GABRB1: variants seen among roughly 807,000 people sequenced by gnomAD.
GABRB1 encodes the protein gamma-aminobutyric acid type A receptor subunit beta1.
Under a neutral mutation model 51.6 loss-of-function variants are expected in GABRB1, and 17 were observed. The ratio of observed to expected loss-of-function variants is 0.33; its 90% CI spans 0.23 to 0.49. The LOEUF (loss-of-function observed/expected upper bound fraction) is 0.49, where lower values mean the gene tolerates loss of function less well. Among genes scored for constraint, GABRB1 ranks in the 20% least tolerant of loss-of-function variants. GABRB1 has a pLI of 0.99. For missense variants in GABRB1, 410 were observed against 600.6 expected (o/e 0.68, Z 3.32); for synonymous variants, 247 against 218.9 (o/e 1.13, Z -1.14).
At chr4:47,042,414 GTATATA>G (rs764850015) in intron 3 of GABRB1, among the ~76,000 whole-genome samples, 45 of 47,020 alleles carry the variant, frequency 9.6e-4, no homozygotes, top group Admixed American at 4.9e-3. Flanking sequence ...TATGTGTACA[GTATATA>G]TATATATATA....
At chr4:47,081,546 A>G (rs1560525362) in intron 3 of GABRB1, among the ~76,000 whole-genome samples, 1 of 152,152 alleles carries the variant, frequency 6.6e-6, no homozygotes, top group African/African-American at 2.4e-5. Context: ...ATATTCAGAT[A>G]TGGTGTACAA....
chr4:47,317,930 T>C (rs1273538585), intron 4 of GABRB1, among the ~76,000 whole-genome samples: 1 of 152,002 alleles, frequency 6.6e-6, no homozygotes, highest in Non-Finnish European at 1.5e-5. Flanking sequence ...ATCCTTTTAA[T>C]GTGCTATTGA....
intron 4 of GABRB1, among the ~76,000 whole-genome samples, chr4:47,269,352 A>G (rs765994236): frequency 2.6e-5 from 4 of 152,220 alleles, no homozygotes; most frequent in Non-Finnish European, 4.4e-5. Context: ...GCATCATTGC[A>G]TTAGTGCAGA....
intron 4 of GABRB1, among the ~76,000 whole-genome samples, chr4:47,273,652 C>T (rs1051418566): frequency 5.3e-5 from 8 of 151,842 alleles, no homozygotes; most frequent in African/African-American, 1.7e-4. Context: ...ATAATAATAA[C>T]AATAAACAAG....
chr4:47,104,506 T>TTCTCTCTC (rs3050703), intron 3 of GABRB1, among the ~76,000 whole-genome samples: 1 of 148,858 alleles, frequency 6.7e-6, no homozygotes, highest in African/African-American at 2.5e-5. Context: ...TCCTGCTGTC[T>TTCTCTCTC]TCTCTCTCTC....
chr4:47,068,657 C>T (rs139969942), intron 3 of GABRB1, among the ~76,000 whole-genome samples: 1 of 152,228 alleles, frequency 6.6e-6, no homozygotes, highest in Non-Finnish European at 1.5e-5. Context: ...TGTTTGCTCT[C>T]TTATATGGGC....
At chr4:47,279,713 A>G (rs971718736) in intron 4 of GABRB1, among the ~76,000 whole-genome samples, 17 of 151,978 alleles carry the variant, frequency 1.1e-4, no homozygotes, top group Non-Finnish European at 2.9e-5. Context: ...TTTTGCTTAT[A>G]TAATTATAGT....
At chr4:47,302,882 T>C (rs1051782915) in intron 4 of GABRB1, among the ~76,000 whole-genome samples, 1 of 151,984 alleles carries the variant, frequency 6.6e-6, no homozygotes, top group African/African-American at 2.4e-5. Context: ...TCATGACTTT[T>C]ATTATTCTGA....
chr4:46,995,170 T>C (rs1318570347), intron 1 of GABRB1, among the ~76,000 whole-genome samples: 1 of 152,216 alleles, frequency 6.6e-6, no homozygotes, highest in Admixed American at 6.5e-5. Context: ...TGTCAATAAA[T>C]ATTTATTGAA....
chr4:47,404,134 T>C (rs993665120), intron 7 of GABRB1, among the ~76,000 whole-genome samples: 6 of 152,190 alleles, frequency 3.9e-5, no homozygotes, highest in Non-Finnish European at 7.3e-5. Context: ...TGCTGAGAAA[T>C]ACTATCCTTT....
At chr4:47,258,554 AG>A (rs1269913580) in intron 4 of GABRB1, among the ~76,000 whole-genome samples, 1 of 152,212 alleles carries the variant, frequency 6.6e-6, no homozygotes, top group East Asian at 1.9e-4. Flanking sequence ...TAATAGATGT[AG>A]AAAACAGTTT....
upstream of GABRB1, among the ~76,000 whole-genome samples, chr4:47,028,380 C>T (rs1350930320): frequency 6.6e-6 from 1 of 151,758 alleles, no homozygotes; most frequent in African/African-American, 2.4e-5. Flanking sequence ...TTACTGACTA[C>T]AGTCACCCTA....
intron 3 of GABRB1, among the ~76,000 whole-genome samples, chr4:47,040,478 T>G (rs900212930): frequency 6.6e-6 from 1 of 152,086 alleles, no homozygotes; most frequent in African/African-American, 2.4e-5. Context: ...GAGCCCTGCA[T>G]CCCCATCTAT....
At chr4:47,123,705 A>G (rs540858530) in intron 3 of GABRB1, among the ~76,000 whole-genome samples, 2,026 of 16,336 alleles carry the variant, frequency 0.12, 32 homozygotes, top group Middle Eastern at 0.4. Flanking sequence ...TTATATATAT[A>G]ATATGATATA....
intron 3 of GABRB1, among the ~76,000 whole-genome samples, chr4:47,138,517 A>C (rs1288492173): frequency 6.6e-6 from 1 of 152,042 alleles, no homozygotes; most frequent in Non-Finnish European, 1.5e-5. Flanking sequence ...GCCTGGCCAG[A>C]GTGACTATTT....
chr4:47,394,685 C>T (rs1728121313), intron 5 of GABRB1, among the ~76,000 whole-genome samples: 1 of 151,936 alleles, frequency 6.6e-6, no homozygotes, highest in Non-Finnish European at 1.5e-5. Context: ...GTTCGCCTTT[C>T]ACACCATCTT....
At chr4:47,371,226 C>A (rs187612180) in intron 5 of GABRB1, among the ~76,000 whole-genome samples, 1 of 152,126 alleles carries the variant, frequency 6.6e-6, no homozygotes, top group Non-Finnish European at 1.5e-5. Context: ...CTGAGGATAA[C>A]GGCTTCCAGT....
chr4:47,368,228 C>A (rs1430543476), intron 5 of GABRB1, among the ~76,000 whole-genome samples: 1 of 152,182 alleles, frequency 6.6e-6, no homozygotes, highest in African/African-American at 2.4e-5. Context: ...TAAATATCCT[C>A]AAATTGAAGG....
chr4:47,038,462 A>G (rs1223462215), intron 3 of GABRB1, among the ~76,000 whole-genome samples: 1 of 152,202 alleles, frequency 6.6e-6, no homozygotes, highest in East Asian at 1.9e-4. Flanking sequence ...TGTCCATTGT[A>G]TTTAAACTGG....
Sources: gnomAD v4.1 joint callset for allele counts (sites outside exome capture counted in the v4.1 genomes callset) on GRCh38, gnomAD v4.1.1 for gene constraint, MANE v1.5 for transcripts, NCBI Gene and HGNC (gene_info 2026-07-23, HGNC 2026-07-21) for gene names.